The following RBL1 variants were observed in gnomAD, a reference collection of about 807,000 sequenced individuals.
RBL1 encodes the protein RB transcriptional corepressor like 1.
Under a neutral mutation model 123.0 loss-of-function variants are expected in RBL1, and 82 were observed. The observed-to-expected ratio is 0.67, with a 90% CI of 0.56 to 0.80. The LOEUF is 0.80. RBL1 is among the 30% of genes least tolerant of loss of function. RBL1 has a pLI of 0.00. For missense variants in RBL1, 1,171 were observed against 1,299.6 expected (o/e 0.90, Z 1.52); for synonymous variants, 405 against 441.3 (o/e 0.92, Z 1.03).
At chr20:37,085,056 T>C (rs2065517703) in intron 2 of RBL1, among the ~76,000 whole-genome samples, 1 of 151,772 alleles carries the variant, frequency 6.6e-6, no homozygotes, top group African/African-American at 2.4e-5. Flanking sequence ...CATGAGCTAC[T>C]GCGCCTGGCC....
intron 19 of RBL1, among the ~76,000 whole-genome samples, chr20:37,014,493 T>C (rs540376653): frequency 2.0e-5 from 3 of 152,278 alleles, no homozygotes; most frequent in Admixed American, 1.3e-4. Context: ...CTAATAAATA[T>C]ATCTAGTTAA....
chr20:37,042,427 T>C (rs1237453605), intron 13 of RBL1, among the ~76,000 whole-genome samples: 2 of 152,162 alleles, frequency 1.3e-5, no homozygotes, highest in African/African-American at 2.4e-5. Flanking sequence ...GGAATCTTTC[T>C]ACATTGACCG....
chr20:37,056,448 G>A (rs562638632), intron 9 of RBL1, among the ~76,000 whole-genome samples, 190 bp from the exon 10 acceptor site: 5 of 148,454 alleles, frequency 3.4e-5, no homozygotes, highest in African/African-American at 1.2e-4. Context: ...TCTTCCTCCA[G>A]GGTTCAAGCG....
In RBL1 at chr20:37,022,653, T is replaced by G; in HGVS notation, c.2556A>C (p.Ala852=). 6.2e-7 allele frequency: 1 copy of G among 1,608,098 alleles called. No homozygotes were observed. Among genetic ancestry groups the G allele is most frequent in the Non-Finnish European group, 8.5e-7 (1 of 1,176,808 alleles). ...QLLLCAFYIM[A]KVTKEERTFQ... Reference sequence around the variant, plus strand: ...CTTCTCCCAATTTATACATTACCTTTGCCATGATATAAAAGGCACAAAGGA... The same window carrying G: ...CTTCTCCCAATTTATACATTACCTTGGCCATGATATAAAAGGCACAAAGGA... Residue 852 remains alanine, a synonymous_variant, in exon 17 of 22, where the codon GCA becomes GCC. Coordinates refer to ENST00000373664, the MANE Select transcript of RBL1 (RefSeq NM_002895.5).
chr20:37,064,429 C>T (rs566460882), intron 7 of RBL1, among the ~76,000 whole-genome samples: 9 of 152,138 alleles, frequency 5.9e-5, no homozygotes, highest in Middle Eastern at 3.4e-3. Context: ...AGCCATTGCA[C>T]GCCTGGCTGA....
At chr20:37,003,246 T>C (rs1411719182) in intron 21 of RBL1, among the ~76,000 whole-genome samples, 1 of 152,208 alleles carries the variant, frequency 6.6e-6, no homozygotes, top group Non-Finnish European at 1.5e-5. Context: ...ATCATGTCCA[T>C]ACCACATCTT....
chr20:37,012,995 C>T (rs2064187862), intron 19 of RBL1, among the ~76,000 whole-genome samples: 1 of 151,766 alleles, frequency 6.6e-6, no homozygotes, highest in Admixed American at 6.5e-5. Flanking sequence ...GGCCAGTCAC[C>T]CCGTTGGGGA....
intron 2 of RBL1, among the ~76,000 whole-genome samples, chr20:37,075,850 T>C (rs575759525): frequency 6.6e-6 from 1 of 152,322 alleles, no homozygotes; most frequent in East Asian, 1.9e-4. Context: ...TTTTAAAGAC[T>C]CTAACCTAAG....
At chr20:37,055,995 C>G in intron 10 of RBL1, 151 bp downstream of exon 10, 3 of 1,294,986 alleles carry the variant, frequency 2.3e-6, no homozygotes, top group Non-Finnish European at 3.1e-6. Context: ...TGCAGTGAGT[C>G]GAGATCATGC....
Position 37,029,900 on chromosome 20 carries a change from CAT to C in RBL1, c.2382+2763_2382+2764del, listed in dbSNP as rs538030150. ...AAGCAAGGACTTGTCTTGCAAAAGA[CAT>C]ATACAGAAAACTACAAAATGTTGCT... is the stretch of plus-strand genomic sequence containing the variant. On this transcript the variant is annotated intron_variant, in intron 16 of 21. Transcript: ENST00000373664. Among the ~76,000 whole-genome samples, 419 of 152,228 alleles carry C rather than the reference CAT, an allele frequency of 2.8e-3. 2 individuals carry two copies. Among genetic ancestry groups the C allele is most frequent in the African/African-American group, 9.4e-3 (391 of 41,544 alleles).
At position 37,022,528 on chromosome 20, in the gene RBL1, T is replaced by C. The variant is rs142741554; in HGVS notation, c.2559+122A>G. The C allele has an allele frequency of 1.4e-4, 118 of 867,814 alleles. No individual in the cohort carries two copies. In the African/African-American group the frequency reaches 1.6e-3, roughly 11 times the overall value. The allele number at this position is 867,814 out of a possible 1,614,324, so 53.8% of individuals were successfully genotyped here. A position where few individuals can be genotyped will look rare whatever the true frequency, so the allele number is the denominator to read the frequency against. ...TTTTTATAGAGATGAGGTTTCACCA[T>C]GTTGCCCAAGCTGGTCTCGAAATCC... On this transcript the variant is annotated intron_variant, in intron 17 of 21. Coordinates refer to ENST00000373664, the MANE Select transcript of RBL1 (RefSeq NM_002895.5).
chr20:37,081,894 C>A, intron 2 of RBL1: 1 of 425,448 alleles, frequency 2.4e-6, no homozygotes. Context: ...TCACCAGAGA[C>A]CCCTGCTGGC....
intron 8 of RBL1, 33 bp from the exon 9 acceptor site, chr20:37,061,302 A>T: frequency 1.2e-6 from 2 of 1,600,026 alleles, no homozygotes; most frequent in Non-Finnish European, 1.7e-6. Context: ...GAGTTTTTAA[A>T]AGTTACCATC....
intron 12 of RBL1, among the ~76,000 whole-genome samples, chr20:37,046,819 GC>G (rs2064825380): frequency 6.6e-6 from 1 of 151,546 alleles, no homozygotes; most frequent in South Asian, 2.1e-4. Context: ...CACCATTTTG[GC>G]CAGGCTGGTC....
intron 2 of RBL1, among the ~76,000 whole-genome samples, chr20:37,081,156 G>A (rs954011158): frequency 4.6e-5 from 7 of 152,284 alleles, no homozygotes; most frequent in South Asian, 2.1e-4. Flanking sequence ...ACAGTTTCCA[G>A]GACCACTTCT....
intron 8 of RBL1, among the ~76,000 whole-genome samples, chr20:37,061,649 T>C (rs2065097168): frequency 6.6e-6 from 1 of 152,182 alleles, no homozygotes; most frequent in South Asian, 2.1e-4. Flanking sequence ...TCCAACCCAT[T>C]TTACACATAA....
chr20:37,093,611 G>A (rs1371117831), intron 1 of RBL1, among the ~76,000 whole-genome samples: 2 of 151,760 alleles, frequency 1.3e-5, no homozygotes, highest in Non-Finnish European at 2.9e-5. Flanking sequence ...TGCATTCCAG[G>A]CCTGGTCAAA....
At chr20:37,087,662 A>C (rs934243012) in intron 2 of RBL1, among the ~76,000 whole-genome samples, 16 of 152,190 alleles carry the variant, frequency 1.1e-4, no homozygotes, top group Non-Finnish European at 1.6e-4. Context: ...GTAATGTCAT[A>C]AAAGAAAAAG....
At chr20:37,027,912 G>A (rs559078172) in intron 16 of RBL1, among the ~76,000 whole-genome samples, 23 of 152,244 alleles carry the variant, frequency 1.5e-4, no homozygotes, top group Admixed American at 1.5e-3. Flanking sequence ...GGGCCACTAT[G>A]CTGGCTAATT....
Sources: allele counts gnomAD v4.1 joint callset (sites outside exome capture counted in the v4.1 genomes callset), GRCh38; gene constraint gnomAD v4.1.1; transcripts MANE v1.5; gene names NCBI Gene and HGNC (gene_info 2026-07-23, HGNC 2026-07-21).